COPE: variants seen among roughly 807,000 people sequenced by gnomAD.
COPE encodes the protein coat protein complex I subunit epsilon, also known as coatomer subunit epsilon.
In COPE, 19 loss-of-function variants were observed where a neutral mutation model predicts 42.1. The observed-to-expected ratio is 0.45, with a 90% confidence interval of 0.31 to 0.66. The LOEUF (loss-of-function observed/expected upper bound fraction) is 0.66, where lower values mean the gene tolerates loss of function less well. Among genes scored for constraint, COPE ranks in the 30% least tolerant of loss-of-function variants. The pLI, the probability that COPE is intolerant of heterozygous loss-of-function variation, is 0.05. For synonymous variants in COPE, 195 were observed against 181.3 expected (o/e 1.08, Z -0.60); for missense variants, 402 against 416.1 (o/e 0.97, Z 0.30).
intron 1 of COPE, among the ~76,000 whole-genome samples, chr19:18,913,860 C>T (rs929112479): frequency 6.6e-6 from 1 of 152,234 alleles, no homozygotes; most frequent in Non-Finnish European, 1.5e-5. Context: ...TGTCAAGGCA[C>T]AGGGTCAAAG....
intron 1 of COPE, among the ~76,000 whole-genome samples, chr19:18,913,678 G>C (rs755423148): frequency 1.3e-5 from 2 of 152,252 alleles, no homozygotes; most frequent in Non-Finnish European, 2.9e-5. Flanking sequence ...GGTGCCCATG[G>C]CAGGTGGGCA....
At chr19:18,905,550 G>A (rs374492036) in intron 5 of COPE, 26 bp downstream of exon 5, 46 of 1,580,658 alleles carry the variant, frequency 2.9e-5, no homozygotes, top group Middle Eastern at 1.7e-4. Flanking sequence ...GGCTCAGTGC[G>A]GGTGGAGAGG....
chr19:18,911,250 G>A, intron 2 of COPE, 179 bp from the exon 3 acceptor site: 1 of 614,206 alleles, frequency 1.6e-6, no homozygotes. Context: ...CCTGTCGTGA[G>A]CAGCCAGGTG....
In COPE at chr19:18,904,781, C is replaced by T; in HGVS notation, c.569G>A (p.Ser190Asn). The T allele has an allele frequency of 6.4e-7, 1 of 1,553,054 alleles. No homozygotes were observed. The highest frequency in any genetic ancestry group is 8.7e-7 in the Non-Finnish European group (1 of 1,147,820). Residue 190 changes from serine (S) to asparagine (N), a missense_variant, in exon 6 of 10, where the codon AGC becomes AAC. By Grantham distance (46) the Ser-to-Asn change is conservative. Coordinates refer to ENST00000262812, the MANE Select transcript of COPE (RefSeq NM_007263.4). ...TLTQLATAWV[S>N]LATGGEKLQD... ...TGGCCTAGGGCTCACCGTGGCCAGG[C>T]TGACCCAGGCAGTGGCGAGCTGGGT...
At position 18,899,977 on chromosome 19, in the gene COPE, C is replaced by T. The variant is rs773760284; in HGVS notation, c.805-30G>A. The T allele has an allele frequency of 2.8e-5, 44 of 1,598,904 alleles. 2 individuals are homozygous for T. The highest frequency in any genetic ancestry group is 1.2e-4 in the South Asian group (11 of 89,142). ...AGGGGAGGCAGGGAGGCAGGTGAGC[C>T]GAACACGGGGACCCCACGGTGGCTC... is the stretch of plus-strand genomic sequence containing the variant. On this transcript the variant is annotated intron_variant, in intron 8 of 9. Coordinates refer to ENST00000262812, the MANE Select transcript of COPE (RefSeq NM_007263.4).
intron 1 of COPE, among the ~76,000 whole-genome samples, chr19:18,915,962 G>A (rs1309987723): frequency 6.6e-6 from 1 of 152,238 alleles, no homozygotes; most frequent in East Asian, 1.9e-4. Flanking sequence ...CACCTCAGGT[G>A]GGGCTGAGGT....
intron 1 of COPE, among the ~76,000 whole-genome samples, chr19:18,916,452 G>A (rs913870481): frequency 2.0e-5 from 3 of 151,930 alleles, no homozygotes; most frequent in African/African-American, 7.3e-5. Flanking sequence ...TCAAGAGTTC[G>A]AGATCAGCCT....
intron 3 of COPE, among the ~76,000 whole-genome samples, chr19:18,910,301 T>C (rs889554383): frequency 2.6e-5 from 4 of 152,202 alleles, no homozygotes; most frequent in African/African-American, 7.2e-5. Context: ...TACTGGCAGG[T>C]TGCAGTCCCC....
chr19:18,913,000 C>A lies in COPE; in HGVS notation c.173G>T (p.Arg58Ile). The change falls in exon 2 of 10, where the codon AGA becomes ATA. Residue 58 changes from arginine (R) to isoleucine (I), a missense_variant. By Grantham distance (97) the Arg-to-Ile change is moderately conservative. Coordinates refer to ENST00000262812, the MANE Select transcript of COPE (RefSeq NM_007263.4). Reference sequence around the variant, plus strand: ...CGCACTCACCTGCGCCAGGTACGCTCTATACAGGAAGACGTCCCTCTCCAC... The same window carrying A: ...CGCACTCACCTGCGCCAGGTACGCTATATACAGGAAGACGTCCCTCTCCAC... ...RDVERDVFLY[R>I]AYLAQRKFGV... The A allele has an allele frequency of 6.2e-7, 1 of 1,612,100 alleles. No individual in the cohort carries two copies. Among genetic ancestry groups the A allele is most frequent in the South Asian group, 1.1e-5 (1 of 91,076 alleles).
At chr19:18,914,814 G>A (rs1376746161) in intron 1 of COPE, among the ~76,000 whole-genome samples, 1 of 146,942 alleles carries the variant, frequency 6.8e-6, no homozygotes, top group African/African-American at 2.5e-5. Context: ...GGAGTGCAGT[G>A]GCGTGTATCT....
At chr19:18,908,631 C>T (rs1268458852) in intron 3 of COPE, among the ~76,000 whole-genome samples, 2 of 151,702 alleles carry the variant, frequency 1.3e-5, no homozygotes, top group Middle Eastern at 3.4e-3. Flanking sequence ...ATTCTCCCGC[C>T]TCAGCCTCCC....
chr19:18,916,124 G>GCAA (rs2056851660), intron 1 of COPE, among the ~76,000 whole-genome samples: 1 of 152,098 alleles, frequency 6.6e-6, no homozygotes, highest in Non-Finnish European at 1.5e-5. Context: ...GGCAGAGGTT[G>GCAA]TGGTGAGCTG....
intron 7 of COPE, among the ~76,000 whole-genome samples, chr19:18,901,815 A>G (rs188413517): frequency 6.6e-5 from 10 of 152,278 alleles, no homozygotes; most frequent in African/African-American, 2.4e-4. Flanking sequence ...CGTTTCAAAA[A>G]ACAAACAAAA....
chr19:18,913,881 C>T (rs538054714), intron 1 of COPE, among the ~76,000 whole-genome samples: 2 of 152,296 alleles, frequency 1.3e-5, no homozygotes, highest in Admixed American at 6.5e-5. Context: ...GACCCAGTGC[C>T]CAAACCAGGG....
Position 18,915,707 on chromosome 19 carries a change from TG to T in COPE, c.127-2662del, listed in dbSNP as rs905111040. 1.2e-4 allele frequency among the ~76,000 whole-genome samples: 18 copies of T among 152,268 alleles called. No individual in the cohort carries two copies. The East Asian group carries it at 2.5e-3, about 21-fold the overall frequency. ...CTGTTTGGGAAGGCGGGTGACAGGATGGGGGCCCTGTAGCCAGAAACCTTGG... is the reference window on the plus strand; with the variant it reads ...CTGTTTGGGAAGGCGGGTGACAGGATGGGGCCCTGTAGCCAGAAACCTTGG... On this transcript the variant is annotated intron_variant, in intron 1 of 9. Coordinates refer to ENST00000262812, the MANE Select transcript of COPE (RefSeq NM_007263.4).
intron 2 of COPE, chr19:18,911,311 G>A (rs369432177): frequency 2.4e-5 from 13 of 538,004 alleles, no homozygotes; most frequent in East Asian, 9.3e-5. Context: ...AGGGACCCTG[G>A]TAGGTTACTG....
At chr19:18,911,260 GTGCCC>G in intron 2 of COPE, 189 bp from the exon 3 acceptor site, 1 of 605,394 alleles carries the variant, frequency 1.7e-6, no homozygotes, top group Admixed American at 2.7e-5. Context: ...GCAGCCAGGT[GTGCCC>G]TCATCTGCAG....
chr19:18,906,131 G>GCCAGCACCTGGA, intron 4 of COPE: 1 of 398,296 alleles, frequency 2.5e-6, no homozygotes, highest in Non-Finnish European at 4.4e-6. Flanking sequence ...GCCAACAGGA[G>GCCAGCACCTGGA]CCAGCACCTG....
At chr19:18,909,521 T>C in intron 3 of COPE, among the ~76,000 whole-genome samples, 1 of 19,958 alleles carries the variant, frequency 5.0e-5, no homozygotes, top group African/African-American at 7.3e-4. Context: ...CCTCTTTCCT[T>C]TTTTTTTTTT....
Sources: gnomAD v4.1 joint callset for allele counts (sites outside exome capture counted in the v4.1 genomes callset) on GRCh38, gnomAD v4.1.1 for gene constraint, MANE v1.5 for transcripts, NCBI Gene and HGNC (gene_info 2026-07-23, HGNC 2026-07-21) for gene names.